Variants in ORC4 observed in about 807,000 individuals in gnomAD.
The protein encoded by ORC4 is origin recognition complex, subunit 4 homolog.
A neutral mutation model predicts 63.9 loss-of-function variants in ORC4; 55 were observed. That is an observed-to-expected ratio of 0.86 (90% CI 0.69 to 1.08). The LOEUF is 1.08. Ranked by LOEUF, ORC4 falls within the 50% of genes least tolerant of loss-of-function variation. The pLI is 0.00. For missense variants in ORC4, 511 were observed against 504.4 expected, an observed-to-expected ratio of 1.01 and a Z score of -0.13; for synonymous variants, 150 against 168.5, an observed-to-expected ratio of 0.89 and a Z score of 0.85.
rs190980360 is a variant in ORC4 at position 147,940,847 on chromosome 2, T to C, written c.850-1599A>G. On this transcript the variant is annotated intron_variant, in intron 10 of 13. Coordinates refer to ENST00000392857, the MANE Select transcript of ORC4 (RefSeq NM_181741.4). The stretch of plus-strand genomic sequence containing the variant: ...AAAGGCATAAATTTTTTTTAACATA[T>C]ACAAAGGCAACAGAGAATAATAAAT... Among the ~76,000 whole-genome samples, 194 of 152,140 alleles carry C rather than the reference T, an allele frequency of 1.3e-3. 1 individual carries two copies. Among genetic ancestry groups the C allele is most frequent in the South Asian group, 8.3e-3 (40 of 4,826 alleles).
chr2:147,975,506 G>GAA (rs36022428), intron 2 of ORC4, among the ~76,000 whole-genome samples: 1 of 143,702 alleles, frequency 7.0e-6, no homozygotes, highest in African/African-American at 2.6e-5. Flanking sequence ...CAAGAAAAGG[G>GAA]AAAAAAAAAA....
At chr2:147,974,812 A>C (rs1165048448) in intron 2 of ORC4, among the ~76,000 whole-genome samples, 1 of 151,118 alleles carries the variant, frequency 6.6e-6, no homozygotes, top group Non-Finnish European at 1.5e-5. Flanking sequence ...TTCCTTAAAA[A>C]AAAAAAAAAA....
At chr2:147,960,877 C>G (rs1689551451) in intron 4 of ORC4, among the ~76,000 whole-genome samples, 1 of 152,086 alleles carries the variant, frequency 6.6e-6, no homozygotes, top group Non-Finnish European at 1.5e-5. Context: ...TGACAGAGAG[C>G]CTGTCTCTTA....
At chr2:147,963,291 G>A (rs551745825) in intron 4 of ORC4, among the ~76,000 whole-genome samples, 53 of 152,082 alleles carry the variant, frequency 3.5e-4, no homozygotes, top group Non-Finnish European at 6.9e-4. Flanking sequence ...TGGGCCAGTC[G>A]AGCAACCCTG....
At chr2:147,936,758 C>G (rs976804087) in intron 13 of ORC4, 1 of 152,172 alleles carries the variant, frequency 6.6e-6, no homozygotes, top group Non-Finnish European at 1.5e-5. Context: ...CAGTGGCTCA[C>G]GCCTGTAATC....
chr2:147,975,859 T>C (rs750087016), intron 2 of ORC4, 43 bp downstream of exon 2: 1 of 1,122,306 alleles, frequency 8.9e-7, no homozygotes, highest in Admixed American at 1.7e-5. Flanking sequence ...TGAACAGCTT[T>C]ACAGGGTAAA....
chr2:148,021,411 G>A, upstream of ORC4: 1 of 531,792 alleles, frequency 1.9e-6, no homozygotes, highest in South Asian at 1.5e-5. Flanking sequence ...GTGAGAGGAG[G>A]AGAGAAAGAA....
chr2:147,967,117 AC>A (rs1438609900), intron 4 of ORC4, among the ~76,000 whole-genome samples: 1 of 152,010 alleles, frequency 6.6e-6, no homozygotes, highest in Non-Finnish European at 1.5e-5. Context: ...GCAGAAAAAA[AC>A]ACGTGATAAA....
At position 147,952,434 on chromosome 2, in the gene ORC4, A is replaced by G. The variant is rs751299910; in HGVS notation, c.527T>C (p.Leu176Pro). The G allele has an allele frequency of 9.3e-6, 15 of 1,610,692 alleles. No homozygotes were observed. The highest frequency in any genetic ancestry group is 1.2e-5 in the Non-Finnish European group (14 of 1,176,982). Residue 176 changes from leucine to proline, a missense_variant, in exon 8 of 14, where the codon CTT becomes CCT. By Grantham distance (98) the Leu-to-Pro change is moderately conservative (BLOSUM62 -3). Transcript: ENST00000392857. ...CTGTGCAGACTGAGAAATGTCAAAA[A>G]GATTATAGAGAAGTGTTTGGTTTTT... ...HHKNQTLLYN[L>P]FDISQSAQTP...
rs767018128 is a variant in ORC4, at chr2:147,938,135, CTA to C, written c.1122+9_1122+10del. 212 of 1,587,992 alleles carry C rather than the reference CTA, an allele frequency of 1.3e-4. No homozygotes were observed. Among genetic ancestry groups the C allele is most frequent in the Non-Finnish European group, 1.8e-4 (205 of 1,157,126 alleles). ...TTGTCTGTAGAAAAATGACAGCAAACTAAATCTTACCTTCATGACAACAGGTT... is the reference window on the plus strand; with the variant it reads ...TTGTCTGTAGAAAAATGACAGCAAACAATCTTACCTTCATGACAACAGGTT... On this transcript the variant is annotated intron_variant, in intron 13 of 13. Coordinates refer to ENST00000392857, the MANE Select transcript of ORC4 (RefSeq NM_181741.4).
chr2:148,008,468 C>A (rs569394027), intron 1 of ORC4, among the ~76,000 whole-genome samples: 2 of 152,290 alleles, frequency 1.3e-5, no homozygotes, highest in South Asian at 4.1e-4. Context: ...AATTTCTTTT[C>A]AAAGAATTAG....
At chr2:147,991,034 G>T (rs1399482408) in intron 1 of ORC4, among the ~76,000 whole-genome samples, 1 of 149,192 alleles carries the variant, frequency 6.7e-6, no homozygotes, top group African/African-American at 2.5e-5. Flanking sequence ...GAATATAAAC[G>T]TATATACATA....
At chr2:147,943,376 C>T in intron 10 of ORC4, 60 bp downstream of exon 10, 1 of 1,109,176 alleles carries the variant, frequency 9.0e-7, no homozygotes, top group Non-Finnish European at 1.4e-6. Flanking sequence ...CAAAGTGAGA[C>T]CCCGTCACTA....
chr2:147,965,324 C>T (rs185984928), intron 4 of ORC4, among the ~76,000 whole-genome samples: 2 of 151,780 alleles, frequency 1.3e-5, no homozygotes, highest in Non-Finnish European at 2.9e-5. Context: ...AATTAAGTTT[C>T]CCATTTAAAA....
chr2:147,953,678 C>CT, intron 7 of ORC4, among the ~76,000 whole-genome samples: 1 of 152,158 alleles, frequency 6.6e-6, no homozygotes, highest in Non-Finnish European at 1.5e-5. Context: ...AACTACAATG[C>CT]TTTTCATGGG....
rs1421144823 is a variant in ORC4 at position 147,932,452 on chromosome 2, CTACT to C, written c.*3054_*3057del. ...ACTTTCTTCACAGAATTGGAAAAAACTACTTAAGTTCATATGGAACCAAAAAAGA... is the reference window on the plus strand; with the variant it reads ...ACTTTCTTCACAGAATTGGAAAAAACTAAGTTCATATGGAACCAAAAAAGA... On this transcript the variant is annotated 3_prime_UTR_variant, in exon 14 of 14. Transcript: ENST00000392857. The C allele has an allele frequency of 6.6e-6, 1 of 152,134 alleles. No individual in the cohort carries two copies. The highest frequency in any genetic ancestry group is 2.4e-5 in the African/African-American group (1 of 41,416). The allele number at this position is 152,134 out of a possible 1,614,324, so 9.4% of individuals were successfully genotyped here. A position where few individuals can be genotyped will look rare whatever the true frequency, so the allele number is the denominator to read the frequency against.
chr2:148,012,215 G>A (rs1693013070), intron 1 of ORC4, among the ~76,000 whole-genome samples: 1 of 152,104 alleles, frequency 6.6e-6, no homozygotes. Context: ...ATACTACAAC[G>A]CTATAGTAAC....
At chr2:147,987,904 T>C (rs1691318340) in intron 1 of ORC4, among the ~76,000 whole-genome samples, 1 of 151,706 alleles carries the variant, frequency 6.6e-6, no homozygotes, top group African/African-American at 2.4e-5. Flanking sequence ...ATACAAAAAA[T>C]TAGCCAGGTG....
At chr2:148,016,188 T>C (rs1158419957) in intron 1 of ORC4, among the ~76,000 whole-genome samples, 1 of 152,064 alleles carries the variant, frequency 6.6e-6, no homozygotes, top group Non-Finnish European at 1.5e-5. Context: ...CATTTCTCAA[T>C]CGGACTGTGA....
Sources: allele counts gnomAD v4.1 joint callset (sites outside exome capture counted in the v4.1 genomes callset), GRCh38; gene constraint gnomAD v4.1.1; transcripts MANE v1.5; gene names NCBI Gene and HGNC (gene_info 2026-07-23, HGNC 2026-07-21).